TRIP4: variants seen among roughly 807,000 people sequenced by gnomAD.
TRIP4 encodes the protein thyroid hormone receptor interactor 4.
In TRIP4, 54 loss-of-function variants were observed where a neutral mutation model predicts 81.8. The observed-to-expected ratio is 0.66, with a 90% CI of 0.53 to 0.83. The LOEUF is 0.83. Among genes scored for constraint, TRIP4 ranks in the 40% least tolerant of loss-of-function variants. TRIP4 has a pLI of 0.00. For synonymous variants in TRIP4, 270 were observed against 242.8 expected (o/e 1.11, Z -1.04); for missense variants, 662 against 683.6 (o/e 0.97, Z 0.35).
intron 11 of TRIP4, among the ~76,000 whole-genome samples, chr15:64,430,030 A>T (rs1892233581): frequency 6.6e-6 from 1 of 152,150 alleles, no homozygotes; most frequent in African/African-American, 2.4e-5. Context: ...TATTTTTGGC[A>T]TAGTGTGATC....
At chr15:64,414,868 C>G (rs1891858199) in intron 8 of TRIP4, among the ~76,000 whole-genome samples, 2 of 152,026 alleles carry the variant, frequency 1.3e-5, no homozygotes, top group African/African-American at 2.4e-5. Context: ...CTGAGGTGGG[C>G]AGATTGCTTG....
chr15:64,426,699 C>CAA lies in TRIP4; in HGVS notation c.1575+1087_1575+1088dup, dbSNP rs35662517. Among the ~76,000 whole-genome samples the CAA allele has an allele frequency of 3.9e-3, 303 of 76,986 alleles. 2 individuals carry two copies. The highest frequency in any genetic ancestry group is 0.014 in the African/African-American group (284 of 20,726). 50.5% of individuals were successfully genotyped at this position (76,986 alleles called of 152,430 possible). A position where few individuals can be genotyped will look rare whatever the true frequency, so the allele number is the denominator to read the frequency against. On this transcript the variant is annotated intron_variant, in intron 11 of 12. Transcript: ENST00000261884. Reference sequence around the variant, plus strand: ...TGGGCGACAGAGTGAGACTCTGTCTCAAAAAAAAAAAAAAAAAAAAGATGG... The same window carrying CAA: ...TGGGCGACAGAGTGAGACTCTGTCTCAAAAAAAAAAAAAAAAAAAAAAGATGG...
At chr15:64,417,575 C>T (rs1891915312) in intron 8 of TRIP4, among the ~76,000 whole-genome samples, 1 of 152,210 alleles carries the variant, frequency 6.6e-6, no homozygotes, top group Non-Finnish European at 1.5e-5. Flanking sequence ...CTTTGCCATT[C>T]TCTGTCTGAA....
At chr15:64,435,007 G>C (rs959597366) in intron 11 of TRIP4, among the ~76,000 whole-genome samples, 2 of 148,446 alleles carry the variant, frequency 1.3e-5, no homozygotes, top group Non-Finnish European at 3.0e-5. Context: ...CTTGAGCCCA[G>C]GAGTTCGAGA....
intron 9 of TRIP4, among the ~76,000 whole-genome samples, chr15:64,418,934 A>G (rs1226051221): frequency 6.6e-6 from 1 of 152,184 alleles, no homozygotes; most frequent in Non-Finnish European, 1.5e-5. Flanking sequence ...ATTGACAAAT[A>G]TAGTAGTAGT....
At chr15:64,428,402 T>A (rs1481890598) in intron 11 of TRIP4, among the ~76,000 whole-genome samples, 1 of 152,196 alleles carries the variant, frequency 6.6e-6, no homozygotes, top group Non-Finnish European at 1.5e-5. Context: ...TTATATTGTA[T>A]CTCATTTCCT....
Position 64,434,926 on chromosome 15 carries a change from A to G in TRIP4, c.1575+9295A>G, listed in dbSNP as rs544147789. On this transcript the variant is annotated intron_variant, in intron 11 of 12. Transcript: ENST00000261884. ...GTGGCAACTTATCTTCTAATTTAAG[A>G]TATTATTGGCCAGGCATGGTGGCTC... Among the ~76,000 whole-genome samples the G allele has an allele frequency of 1.1e-4, 17 of 152,080 alleles. No homozygotes were observed. The South Asian group carries it at 3.3e-3, about 30-fold the overall frequency.
At chr15:64,431,777 A>G (rs1300196425) in intron 11 of TRIP4, among the ~76,000 whole-genome samples, 1 of 144,674 alleles carries the variant, frequency 6.9e-6, no homozygotes, top group Non-Finnish European at 1.5e-5. Context: ...CTTTAGGGTT[A>G]TTTGCAGTCT....
At chr15:64,406,785 T>C (rs970784253) in intron 6 of TRIP4, among the ~76,000 whole-genome samples, 3 of 152,218 alleles carry the variant, frequency 2.0e-5, no homozygotes, top group Non-Finnish European at 2.9e-5. Context: ...TTAGAGTACG[T>C]GTTATTTGCA....
At chr15:64,389,316 A>T (rs763203681) in intron 1 of TRIP4, among the ~76,000 whole-genome samples, 2 of 152,190 alleles carry the variant, frequency 1.3e-5, no homozygotes, top group African/African-American at 2.4e-5. Context: ...GCAAGGAGAC[A>T]GTTCAAGTAG....
At chr15:64,436,249 C>T (rs1335264726) in intron 11 of TRIP4, among the ~76,000 whole-genome samples, 3 of 150,822 alleles carry the variant, frequency 2.0e-5, no homozygotes, top group East Asian at 1.9e-4. Context: ...GAGCTGAGAT[C>T]GTACTATTGC....
chr15:64,431,024 G>A lies in TRIP4; in HGVS notation c.1575+5393G>A, dbSNP rs534545949. 5.9e-5 allele frequency among the ~76,000 whole-genome samples: 9 copies of A among 152,134 alleles called. No homozygotes were observed. In the South Asian group the frequency reaches 1.9e-3, roughly 32 times the overall value. ...GTATCCAAGCAACATAGATCTTCAG[G>A]AAGATTCCAAGTATCACTTCGTTTG... On this transcript the variant is annotated intron_variant, in intron 11 of 12. Coordinates refer to ENST00000261884, the MANE Select transcript of TRIP4 (RefSeq NM_016213.5).
chr15:64,451,953 CAAA>C (rs35984161), intron 12 of TRIP4, among the ~76,000 whole-genome samples: 2 of 137,452 alleles, frequency 1.5e-5, no homozygotes, highest in Non-Finnish European at 1.6e-5. Flanking sequence ...GTGCCCGGCC[CAAA>C]AAAAAAAAAA....
intron 1 of TRIP4, among the ~76,000 whole-genome samples, chr15:64,388,598 C>A (rs1416902501): frequency 6.6e-6 from 1 of 152,158 alleles, no homozygotes; most frequent in Admixed American, 6.5e-5. Context: ...CATGAGCCAC[C>A]GCACCCAGAT....
intron 11 of TRIP4, among the ~76,000 whole-genome samples, chr15:64,443,083 G>T (rs1892554240): frequency 6.6e-6 from 1 of 152,156 alleles, no homozygotes; most frequent in Non-Finnish European, 1.5e-5. Flanking sequence ...GATTTTGATG[G>T]AATGATGAGA....
At chr15:64,424,209 C>A in intron 10 of TRIP4, 54 bp downstream of exon 10, 3 of 1,601,480 alleles carry the variant, frequency 1.9e-6, no homozygotes, top group Non-Finnish European at 2.6e-6. Context: ...AAGTCATTGA[C>A]GTTCATCTTC....
intron 5 of TRIP4, among the ~76,000 whole-genome samples, chr15:64,403,702 T>C (rs1891562693): frequency 6.6e-6 from 1 of 152,206 alleles, no homozygotes; most frequent in Non-Finnish European, 1.5e-5. Flanking sequence ...TCTTTTAACT[T>C]GGTTTATTAT....
chr15:64,447,786 A>G (rs1241590164), intron 12 of TRIP4, among the ~76,000 whole-genome samples: 1 of 152,144 alleles, frequency 6.6e-6, no homozygotes, highest in East Asian at 1.9e-4. Flanking sequence ...ATTATGGCTC[A>G]TTGCAGCCTC....
chr15:64,431,855 T>TTTTTTTTTTTTTA (rs1281067687), intron 11 of TRIP4, among the ~76,000 whole-genome samples: 2 of 131,768 alleles, frequency 1.5e-5, no homozygotes, highest in African/African-American at 6.1e-5. Context: ...ATATTTTTTT[T>TTTTTTTTTTTTTA]ATCCAAAGAG....
Sources: gnomAD v4.1 joint callset for allele counts (sites outside exome capture counted in the v4.1 genomes callset) on GRCh38, gnomAD v4.1.1 for gene constraint, MANE v1.5 for transcripts, NCBI Gene and HGNC (gene_info 2026-07-23, HGNC 2026-07-21) for gene names.